TRAPPC13: variants seen among roughly 807,000 people sequenced by gnomAD.
TRAPPC13 encodes REV7-interacting novel NHEJ regulator 1.
A neutral mutation model predicts 54.0 loss-of-function variants in TRAPPC13; 39 were observed. The ratio of observed to expected loss-of-function variants is 0.72; its 90% CI spans 0.56 to 0.94. The LOEUF (loss-of-function observed/expected upper bound fraction) is 0.94. Ranked by LOEUF, TRAPPC13 falls within the 40% of genes least tolerant of loss-of-function variation. TRAPPC13 has a pLI of 0.00. For missense variants in TRAPPC13, 386 were observed against 488.1 expected (o/e 0.79, Z 1.97); for synonymous variants, 148 against 167.7 (o/e 0.88, Z 0.91).
intron 11 of TRAPPC13, chr5:65,663,924 G>A (rs1444734757): frequency 3.9e-6 from 1 of 256,616 alleles, no homozygotes; most frequent in East Asian, 8.5e-5. Context: ...ACACAAATGT[G>A]TGGAAGTCTC....
chr5:65,650,954 T>C (rs1056188752), intron 6 of TRAPPC13, 72 bp downstream of exon 6: 10 of 1,114,276 alleles, frequency 9.0e-6, no homozygotes, highest in African/African-American at 1.5e-5. Context: ...TTATTCCCGT[T>C]TATCTGCAGG....
intron 8 of TRAPPC13, among the ~76,000 whole-genome samples, chr5:65,657,049 T>G (rs1367483390): frequency 2.7e-5 from 4 of 148,356 alleles, no homozygotes; most frequent in African/African-American, 1.0e-4. Context: ...TGCATTCTAC[T>G]CTGGGCAACA....
At chr5:65,636,847 A>G (rs1176683297) in intron 3 of TRAPPC13, among the ~76,000 whole-genome samples, 1 of 152,178 alleles carries the variant, frequency 6.6e-6, no homozygotes, top group Non-Finnish European at 1.5e-5. Context: ...AATTTTACAG[A>G]TTGTTTTTAT....
In TRAPPC13 at chr5:65,660,690, C is replaced by T. The variant is rs1354167896; in HGVS notation, c.699-9C>T. On this transcript the variant is annotated splice_polypyrimidine_tract_variant and intron_variant, in intron 9 of 12. Coordinates refer to ENST00000399438, the MANE Select transcript of TRAPPC13 (RefSeq NM_024941.4). ...GAATTTTCTCCGTCTCTGTCTCCAC[C>T]CCTCTCAGTGTGTCTACGTTTGGGT... 1 of 1,566,952 alleles carries T rather than the reference C, an allele frequency of 6.4e-7. No homozygotes were observed. The highest frequency in any genetic ancestry group is 1.9e-5 in the Admixed American group (1 of 51,724).
chr5:65,646,969 C>G, intron 4 of TRAPPC13, 86 bp from the exon 5 acceptor site: 1 of 1,248,274 alleles, frequency 8.0e-7, no homozygotes, highest in East Asian at 2.6e-5. Flanking sequence ...TTCTTATTCC[C>G]CTATTCTTTC....
At chr5:65,649,521 G>C (rs1368168496) in intron 5 of TRAPPC13, among the ~76,000 whole-genome samples, 2 of 152,086 alleles carry the variant, frequency 1.3e-5, no homozygotes, top group Admixed American at 6.6e-5. Context: ...TTCAACTCTT[G>C]ATAAATGGAA....
intron 1 of TRAPPC13, among the ~76,000 whole-genome samples, chr5:65,633,233 T>C (rs552465763): frequency 1.3e-5 from 2 of 152,206 alleles, no homozygotes; most frequent in Non-Finnish European, 2.9e-5. Flanking sequence ...ATATTCTGAA[T>C]TGACCATGTA....
In TRAPPC13 at chr5:65,664,542, G is replaced by A. The variant is rs771464951; in HGVS notation, c.1185G>A (p.Lys395=). The change falls in exon 13 of 13, where the codon AAG becomes AAA. Residue 395 remains lysine, a synonymous_variant. Transcript: ENST00000399438. ...TAAGACTAACAGACACATTCTTAAA[G>A]AGAACATATGAATATGATGACATCG... ...SGLRLTDTFL[K]RTYEYDDIAQ... 3.1e-6 allele frequency: 5 copies of A among 1,611,942 alleles called. No homozygotes were observed. Among genetic ancestry groups the A allele is most frequent in the Non-Finnish European group, 4.2e-6 (5 of 1,179,498 alleles).
chr5:65,650,265 G>A (rs1247413670), intron 5 of TRAPPC13, among the ~76,000 whole-genome samples: 1 of 144,084 alleles, frequency 6.9e-6, no homozygotes, highest in Non-Finnish European at 1.5e-5. Flanking sequence ...GGGTTCAAGC[G>A]ATTCTCCTGC....
intron 5 of TRAPPC13, among the ~76,000 whole-genome samples, chr5:65,649,000 G>A (rs1387883702): frequency 6.6e-6 from 1 of 152,038 alleles, no homozygotes; most frequent in Non-Finnish European, 1.5e-5. Context: ...CAGATCGCTT[G>A]AGCTCAGGAG....
chr5:65,654,458 G>A (rs1371167156), intron 7 of TRAPPC13, among the ~76,000 whole-genome samples: 1 of 152,012 alleles, frequency 6.6e-6, no homozygotes, highest in Non-Finnish European at 1.5e-5. Flanking sequence ...TTAAAAATCA[G>A]GAGTGAACAA....
chr5:65,634,847 C>T lies in TRAPPC13; in HGVS notation c.47-454C>T, dbSNP rs1273307968. On this transcript the variant is annotated intron_variant, in intron 1 of 12. Coordinates refer to ENST00000399438, the MANE Select transcript of TRAPPC13 (RefSeq NM_024941.4). Reference sequence around the variant, plus strand: ...CTGGGAGATAGAGGTTGCAGTGAGCCGAGATCGCACCACTACACTCCAGCC... The same window carrying T: ...CTGGGAGATAGAGGTTGCAGTGAGCTGAGATCGCACCACTACACTCCAGCC... 5 of 363,958 alleles carry T rather than the reference C, an allele frequency of 1.4e-5. 1 individual carries two copies. The highest frequency in any genetic ancestry group is 1.2e-4 in the South Asian group (1 of 8,694). The allele number at this position is 363,958 out of a possible 1,614,324, so 22.5% of individuals were successfully genotyped here.
intron 10 of TRAPPC13, chr5:65,661,162 T>G: frequency 3.6e-6 from 1 of 277,446 alleles, no homozygotes; most frequent in Non-Finnish European, 6.7e-6. Flanking sequence ...ATTAAGTGTC[T>G]CTCCTTTGGT....
chr5:65,633,092 T>TG (rs1203539764), intron 1 of TRAPPC13, among the ~76,000 whole-genome samples: 3 of 152,234 alleles, frequency 2.0e-5, no homozygotes, highest in Non-Finnish European at 4.4e-5. Context: ...AATGACCTGT[T>TG]ACTTTTTTTC....
chr5:65,632,474 G>A (rs1443880894), intron 1 of TRAPPC13, among the ~76,000 whole-genome samples: 2 of 152,070 alleles, frequency 1.3e-5, no homozygotes, highest in African/African-American at 4.8e-5. Flanking sequence ...TTTCTGGTAA[G>A]GCATGACATT....
chr5:65,637,786 TAACATTC>T lies in TRAPPC13; in HGVS notation c.300+7_300+13del. The T allele has an allele frequency of 6.7e-7, 1 of 1,486,604 alleles. No individual in the cohort carries two copies. Among genetic ancestry groups the T allele is most frequent in the Non-Finnish European group, 9.2e-7 (1 of 1,086,152 alleles). 92.1% of individuals were successfully genotyped at this position (1,486,604 alleles called of 1,614,324 possible). A position where few individuals can be genotyped will look rare whatever the true frequency, so the allele number is the denominator to read the frequency against. On this transcript the variant is annotated splice_region_variant and intron_variant, in intron 4 of 12. Transcript: ENST00000399438. ...TAAAAGACATATTAGTAAAAGTAAG[TAACATTC>T]TTACTTGGGATGTATTTTAGTCTTT...
At chr5:65,627,241 T>C (rs1354901727) in intron 1 of TRAPPC13, among the ~76,000 whole-genome samples, 1 of 151,946 alleles carries the variant, frequency 6.6e-6, no homozygotes, top group Non-Finnish European at 1.5e-5. Context: ...TACCATCTTA[T>C]AGTTAACCCA....
chr5:65,627,976 G>A (rs1755327481), intron 1 of TRAPPC13, among the ~76,000 whole-genome samples: 1 of 152,160 alleles, frequency 6.6e-6, no homozygotes, highest in Non-Finnish European at 1.5e-5. Flanking sequence ...AGCAGTGGGA[G>A]AACCCTCATC....
At chr5:65,632,635 A>G (rs1755590975) in intron 1 of TRAPPC13, among the ~76,000 whole-genome samples, 1 of 152,220 alleles carries the variant, frequency 6.6e-6, no homozygotes, top group South Asian at 2.1e-4. Context: ...GGTATTGTCA[A>G]TGCCCTATCT....
Sources: allele counts gnomAD v4.1 joint callset (sites outside exome capture counted in the v4.1 genomes callset), GRCh38; gene constraint gnomAD v4.1.1; transcripts MANE v1.5; gene names NCBI Gene and HGNC (gene_info 2026-07-23, HGNC 2026-07-21).